The following NPAS2 variants were observed in gnomAD, a reference collection of about 807,000 sequenced individuals.
The protein encoded by NPAS2 is neuronal PAS domain protein 2, also known as neuronal PAS domain-containing protein 2.
In NPAS2, 23 loss-of-function variants were observed where a neutral mutation model predicts 107.5. That is an observed-to-expected ratio of 0.21 (90% CI 0.15 to 0.30). The LOEUF (loss-of-function observed/expected upper bound fraction) is 0.30. Among genes scored for constraint, NPAS2 ranks in the 10% least tolerant of loss-of-function variants. The pLI, the probability that NPAS2 is intolerant of heterozygous loss-of-function variation, is 1.00. For synonymous variants in NPAS2, 403 were observed against 417.5 expected (o/e 0.97, Z 0.42); for missense variants, 756 against 1,043.3 (o/e 0.72, Z 3.79).
In NPAS2 at chr2:100,881,889, C is replaced by T. The variant is rs1680371756; in HGVS notation, c.-22-22844C>T. ...CCATTCAGGGCCTTCTCCCCCAGGT[C>T]CAGGGCCTGCTTCAGCTCTCTGTGA... On this transcript the variant is annotated intron_variant, in intron 1 of 20. Transcript: ENST00000335681. Among the ~76,000 whole-genome samples the T allele has an allele frequency of 2.0e-5, 3 of 152,198 alleles. 1 individual carries two copies. In the South Asian group the frequency reaches 6.2e-4, roughly 31 times the overall value.
intron 1 of NPAS2, among the ~76,000 whole-genome samples, chr2:100,873,518 A>G (rs1420817635): frequency 6.6e-6 from 1 of 151,606 alleles, no homozygotes; most frequent in Non-Finnish European, 1.5e-5. Flanking sequence ...CCTATCTCCA[A>G]ATTTCACAGT....
At chr2:100,940,835 T>C (rs1306123111) in intron 5 of NPAS2, among the ~76,000 whole-genome samples, 1 of 151,962 alleles carries the variant, frequency 6.6e-6, no homozygotes, top group Non-Finnish European at 1.5e-5. Context: ...GTTCTCAGAG[T>C]GTGGGGCTCA....
chr2:100,831,899 C>T (rs1370638408), intron 1 of NPAS2, among the ~76,000 whole-genome samples: 2 of 152,120 alleles, frequency 1.3e-5, no homozygotes, highest in Non-Finnish European at 2.9e-5. Flanking sequence ...CTTTTCTATT[C>T]TCTCAAACCT....
intron 14 of NPAS2, chr2:100,977,249 T>C (rs1205925277): frequency 5.1e-6 from 1 of 194,380 alleles, no homozygotes; most frequent in Non-Finnish European, 1.1e-5. Flanking sequence ...TGGACAAACA[T>C]GCATGGCGTG....
chr2:100,953,799 C>T (rs891808120), intron 7 of NPAS2, among the ~76,000 whole-genome samples: 9 of 152,216 alleles, frequency 5.9e-5, no homozygotes, highest in Admixed American at 5.9e-4. Context: ...GACACAGGCC[C>T]GCTCCGGCCT....
intron 1 of NPAS2, among the ~76,000 whole-genome samples, chr2:100,875,155 G>A (rs937376096): frequency 1.3e-5 from 2 of 152,140 alleles, no homozygotes; most frequent in Admixed American, 1.3e-4. Context: ...CCTTATGGGC[G>A]TTATGCTAAG....
intron 5 of NPAS2, among the ~76,000 whole-genome samples, chr2:100,938,541 TCCTCCCTC>T (rs1267256959): frequency 2.1e-5 from 1 of 48,126 alleles, no homozygotes; most frequent in Non-Finnish European, 3.9e-5. Context: ...TCTTATTCCC[TCCTCCCTC>T]CCTCCCTCCT....
intron 1 of NPAS2, chr2:100,877,923 CA>C (rs1680088527): frequency 4.1e-6 from 4 of 964,956 alleles, no homozygotes; most frequent in Non-Finnish European, 4.9e-6. Flanking sequence ...ATGAAATTAT[CA>C]AACAGTAAAC....
At chr2:100,863,575 T>C (rs1679071423) in intron 1 of NPAS2, among the ~76,000 whole-genome samples, 1 of 152,220 alleles carries the variant, frequency 6.6e-6, no homozygotes, top group Non-Finnish European at 1.5e-5. Flanking sequence ...TTATATCTAA[T>C]GGGTCAGAAT....
intron 6 of NPAS2, among the ~76,000 whole-genome samples, chr2:100,948,586 G>A (rs1050848202): frequency 5.3e-5 from 8 of 151,360 alleles, no homozygotes; most frequent in Non-Finnish European, 1.0e-4. Context: ...GAGAACTCAA[G>A]AATAATAATT....
chr2:100,956,227 G>C (rs967299796), intron 7 of NPAS2, among the ~76,000 whole-genome samples: 5 of 152,052 alleles, frequency 3.3e-5, no homozygotes, highest in Admixed American at 6.6e-5. Context: ...CAGATTCAGG[G>C]GGTACATGTG....
chr2:100,855,934 G>T (rs970976008), intron 1 of NPAS2, among the ~76,000 whole-genome samples: 13 of 152,168 alleles, frequency 8.5e-5, no homozygotes, highest in African/African-American at 3.1e-4. Context: ...TAAGGTAAGG[G>T]TTGGAGTCCG....
chr2:100,878,558 C>T, intron 1 of NPAS2: 1 of 985,360 alleles, frequency 1.0e-6, no homozygotes, highest in Non-Finnish European at 1.2e-6. Flanking sequence ...TTTTAACCGT[C>T]AACTGAAATG....
intron 6 of NPAS2, 106 bp from the exon 7 acceptor site, chr2:100,949,261 A>G (rs2105050687): frequency 1.4e-6 from 1 of 721,748 alleles, no homozygotes; most frequent in Non-Finnish European, 2.5e-6. Flanking sequence ...TAGCCTGGCC[A>G]TGTGTAGACT....
chr2:100,853,561 G>A (rs1482241459), intron 1 of NPAS2, among the ~76,000 whole-genome samples: 1 of 152,174 alleles, frequency 6.6e-6, no homozygotes, highest in East Asian at 1.9e-4. Context: ...CTCCTTTTGT[G>A]TTCACTTGAT....
intron 1 of NPAS2, among the ~76,000 whole-genome samples, chr2:100,900,241 T>G (rs1007567781): frequency 6.6e-6 from 1 of 152,104 alleles, no homozygotes; most frequent in Non-Finnish European, 1.5e-5. Context: ...ACTTCTATGA[T>G]CAGTATGATG....
In NPAS2 at chr2:100,964,118, T is replaced by G; in HGVS notation, c.659T>G (p.Leu220Arg). The G allele has an allele frequency of 1.2e-6, 2 of 1,614,062 alleles. No homozygotes were observed. The highest frequency in any genetic ancestry group is 1.7e-6 in the Non-Finnish European group (2 of 1,179,992). Residue 220 changes from leucine to arginine, a missense_variant, in exon 8 of 21, where the codon CTA becomes CGA. By Grantham distance (102) the Leu-to-Arg change is moderately radical. Transcript: ENST00000335681. Reference sequence around the variant, plus strand: ...CTTTCAAGACCTTGCCGGGTGCCACTAGGAAAGGAGGTTTGCTTCATTGCC... The same window carrying G: ...CTTTCAAGACCTTGCCGGGTGCCACGAGGAAAGGAGGTTTGCTTCATTGCC... ...NTLSRPCRVP[L>R]GKEVCFIATV...
At chr2:100,855,985 C>G (rs147677547) in intron 1 of NPAS2, among the ~76,000 whole-genome samples, 1 of 152,150 alleles carries the variant, frequency 6.6e-6, no homozygotes, top group Admixed American at 6.5e-5. Context: ...AATAACCCCT[C>G]GAAATAACCC....
In NPAS2 at chr2:100,865,000, T is replaced by G. The variant is rs376287423; in HGVS notation, c.-22-39733T>G. 5.3e-4 allele frequency among the ~76,000 whole-genome samples: 81 copies of G among 152,340 alleles called. 1 individual carries two copies. Among genetic ancestry groups the G allele is most frequent in the African/African-American group, 1.9e-3 (81 of 41,592 alleles). On this transcript the variant is annotated intron_variant, in intron 1 of 20. Transcript: ENST00000335681. ...TTTTAATTTTTGCAAATCTCTTCAA[T>G]GTCCAGCTTCACAGAAGGCAAATAT...
Sources: allele counts gnomAD v4.1 joint callset (sites outside exome capture counted in the v4.1 genomes callset), GRCh38; gene constraint gnomAD v4.1.1; transcripts MANE v1.5; gene names NCBI Gene and HGNC (gene_info 2026-07-23, HGNC 2026-07-21).